The following LRRIQ1 variants were observed in gnomAD, a reference collection of about 807,000 sequenced individuals.
The protein encoded by LRRIQ1 is leucine rich repeats and IQ motif containing 1.
LRRIQ1 carries 210 observed loss-of-function variants against 211.9 expected under a neutral mutation model. The ratio of observed to expected loss-of-function variants is 0.99; its 90% CI spans 0.89 to 1.11. The LOEUF is 1.11. Among genes scored for constraint, LRRIQ1 ranks in the 50% most tolerant of loss-of-function variants. LRRIQ1 has a pLI of 0.00. For missense variants in LRRIQ1, 2,136 were observed against 1,939.5 expected (o/e 1.10, Z -1.90); for synonymous variants, 699 against 650.1 (o/e 1.08, Z -1.14).
chr12:85,185,913 T>C (rs1892205926), intron 24 of LRRIQ1, among the ~76,000 whole-genome samples: 1 of 152,136 alleles, frequency 6.6e-6, no homozygotes, highest in Middle Eastern at 3.4e-3. Flanking sequence ...AGGTGCATGC[T>C]ATGATATATA....
intron 11 of LRRIQ1, among the ~76,000 whole-genome samples, chr12:85,078,556 A>G (rs1266416065): frequency 6.6e-6 from 1 of 151,988 alleles, no homozygotes; most frequent in African/African-American, 2.4e-5. Flanking sequence ...TTTTATTCTT[A>G]TATATTTTTT....
intron 8 of LRRIQ1, among the ~76,000 whole-genome samples, chr12:85,062,579 T>C (rs900390957): frequency 2.4e-4 from 37 of 151,824 alleles, no homozygotes; most frequent in African/African-American, 8.7e-4. Context: ...TACTACTTTT[T>C]TTTTTTTAAT....
rs73379748 is a variant in LRRIQ1, at chr12:85,053,944, T to A, written c.754-1603T>A. Among the ~76,000 whole-genome samples, 218 of 152,328 alleles carry A rather than the reference T, an allele frequency of 1.4e-3. 2 individuals are homozygous for A. The highest frequency in any genetic ancestry group is 5.2e-3 in the African/African-American group (216 of 41,588). On this transcript the variant is annotated intron_variant, in intron 7 of 26. Transcript: ENST00000393217. ...GGATTGAAAATATTTTTAGTTTGCTTTTAAAAATGAATGGTCAGTTTCTTC... is the reference window on the plus strand; with the variant it reads ...GGATTGAAAATATTTTTAGTTTGCTATTAAAAATGAATGGTCAGTTTCTTC...
rs528946021 is a variant in LRRIQ1, at chr12:85,257,700, A to C, written c.122-5215A>C. 8.6e-5 allele frequency among the ~76,000 whole-genome samples: 13 copies of C among 152,016 alleles called. No individual in the cohort carries two copies. The South Asian group carries it at 2.7e-3, about 31-fold the overall frequency. The stretch of plus-strand genomic sequence containing the variant: ...GTTAATTTACAGGCCACATGAGGAA[A>C]AGTCAATCTAGTTCTGAAACAAATC... On this transcript the variant is annotated intron_variant, in intron 1 of 1. Transcript: ENST00000602731.
the LRRIQ1 span, among the ~76,000 whole-genome samples, chr12:85,270,628 C>G: frequency 6.6e-6 from 1 of 151,992 alleles, no homozygotes; most frequent in Non-Finnish European, 1.5e-5. Context: ...ATTATTTTTT[C>G]TATGTCCATA....
chr12:85,233,938 TA>T (rs936754682), intron 26 of LRRIQ1, among the ~76,000 whole-genome samples: 10 of 152,076 alleles, frequency 6.6e-5, no homozygotes, highest in African/African-American at 2.4e-4. Context: ...AAAGAAGTGA[TA>T]TAATATTTTG....
chr12:85,069,179 G>A (rs1287673743), intron 10 of LRRIQ1, among the ~76,000 whole-genome samples: 1 of 148,926 alleles, frequency 6.7e-6, no homozygotes, highest in Non-Finnish European at 1.5e-5. Context: ...CTGTGAGTGA[G>A]AACATGCGGT....
chr12:85,062,175 A>T (rs1449698489), intron 8 of LRRIQ1, among the ~76,000 whole-genome samples: 1 of 151,870 alleles, frequency 6.6e-6, no homozygotes, highest in African/African-American at 2.4e-5. Context: ...TGGTATACAC[A>T]AGAATATTCC....
chr12:85,053,433 C>G (rs1197433569), intron 7 of LRRIQ1, among the ~76,000 whole-genome samples: 1 of 152,004 alleles, frequency 6.6e-6, no homozygotes, highest in African/African-American at 2.4e-5. Flanking sequence ...TTAGAAGCAT[C>G]TGGAGGATAA....
At chr12:85,168,699 G>T (rs1891270207) in intron 24 of LRRIQ1, among the ~76,000 whole-genome samples, 1 of 152,054 alleles carries the variant, frequency 6.6e-6, no homozygotes, top group Non-Finnish European at 1.5e-5. Flanking sequence ...ACTGATTCAG[G>T]GCATACACAG....
intron 24 of LRRIQ1, among the ~76,000 whole-genome samples, chr12:85,217,508 ATGTGTGTGTGTGTG>A (rs370971727): frequency 0.018 from 1,176 of 64,136 alleles, 82 homozygotes; most frequent in African/African-American, 0.083. Context: ...ATATATATAT[ATGTGTGTGTGTGTG>A]TGTGTGTGTG....
chr12:85,155,889 G>A (rs1356615891), intron 23 of LRRIQ1, among the ~76,000 whole-genome samples: 1 of 151,540 alleles, frequency 6.6e-6, no homozygotes, highest in Non-Finnish European at 1.5e-5. Context: ...AGAGGATTCA[G>A]TAAGGAATAT....
At position 85,069,186 on chromosome 12, in the gene LRRIQ1, C is replaced by T. The variant is rs538615749; in HGVS notation, c.2695+2288C>T. On this transcript the variant is annotated intron_variant, in intron 10 of 26. Transcript: ENST00000393217. ...ATTCCCACCTGTGAGTGAGAACATG[C>T]GGTGTTTGGTTTTTCGTCCTTGTGA... Among the ~76,000 whole-genome samples the T allele has an allele frequency of 8.1e-5, 12 of 148,594 alleles. No homozygotes were observed. The East Asian group carries it at 8.1e-4, about 10-fold the overall frequency.
chr12:85,199,094 G>A (rs959509639), intron 24 of LRRIQ1, among the ~76,000 whole-genome samples: 1 of 152,130 alleles, frequency 6.6e-6, no homozygotes, highest in Non-Finnish European at 1.5e-5. Context: ...TTATTTTGCT[G>A]TATAGAAACT....
chr12:85,261,727 T>C (rs908585992), intron 1 of LRRIQ1, among the ~76,000 whole-genome samples: 1 of 151,774 alleles, frequency 6.6e-6, no homozygotes, highest in African/African-American at 2.4e-5. Flanking sequence ...CCTAAGGGGA[T>C]TTAAAGCAGA....
At chr12:85,255,400 A>T (rs1434229044) in intron 1 of LRRIQ1, among the ~76,000 whole-genome samples, 3 of 151,770 alleles carry the variant, frequency 2.0e-5, no homozygotes, top group Non-Finnish European at 4.4e-5. Context: ...CATATTTCCT[A>T]TTAAAATATT....
intron 11 of LRRIQ1, among the ~76,000 whole-genome samples, chr12:85,085,460 CAG>C (rs1884724037): frequency 2.0e-5 from 3 of 152,176 alleles, no homozygotes; most frequent in Admixed American, 1.3e-4. Context: ...CTAACCATAT[CAG>C]GGGGAATATG....
downstream of LRRIQ1, among the ~76,000 whole-genome samples, chr12:85,267,852 A>G (rs1046734665): frequency 5.3e-5 from 8 of 152,012 alleles, no homozygotes; most frequent in South Asian, 1.7e-3. Flanking sequence ...CTGTGTTCCA[A>G]TCCTTGCTCT....
chr12:85,211,369 T>G (rs1893827857), intron 24 of LRRIQ1, among the ~76,000 whole-genome samples: 1 of 152,216 alleles, frequency 6.6e-6, no homozygotes, highest in South Asian at 2.1e-4. Context: ...AATTATGGCT[T>G]CTTACCCATG....
Sources: gnomAD v4.1 joint callset for allele counts (sites outside exome capture counted in the v4.1 genomes callset) on GRCh38, gnomAD v4.1.1 for gene constraint, MANE v1.5 for transcripts, NCBI Gene and HGNC (gene_info 2026-07-23, HGNC 2026-07-21) for gene names.